Variants in EPB41 observed in about 807,000 individuals in gnomAD.
The protein encoded by EPB41 is erythrocyte membrane protein band 4.1, also known as protein 4.1.
Under a neutral mutation model 108.0 loss-of-function variants are expected in EPB41, and 65 were observed. The ratio of observed to expected loss-of-function variants is 0.60; its 90% confidence interval spans 0.49 to 0.74. EPB41 has a LOEUF of 0.74. EPB41 is among the 30% of genes least tolerant of loss of function. EPB41 has a pLI of 0.00. For missense variants in EPB41, 875 were observed against 1,037.0 expected (o/e 0.84, Z 2.15); for synonymous variants, 336 against 358.9 (o/e 0.94, Z 0.72).
intron 1 of EPB41, among the ~76,000 whole-genome samples, chr1:28,924,483 C>T (rs902851438): frequency 5.9e-5 from 9 of 151,888 alleles, no homozygotes; most frequent in Admixed American, 3.3e-4. Context: ...GAGCTGAGAT[C>T]GTGCCACTGC....
At chr1:28,937,904 C>T (rs907340105) in intron 1 of EPB41, among the ~76,000 whole-genome samples, 7 of 152,184 alleles carry the variant, frequency 4.6e-5, no homozygotes, top group Admixed American at 1.3e-4. Flanking sequence ...TCTGGATTCA[C>T]TCACTTGCAG....
chr1:29,004,303 A>G (rs756401110), intron 4 of EPB41, among the ~76,000 whole-genome samples: 2 of 152,176 alleles, frequency 1.3e-5, no homozygotes, highest in Non-Finnish European at 2.9e-5. Flanking sequence ...ACTACATGCA[A>G]TTCAATGGTA....
chr1:28,907,175 G>A (rs1216873466), intron 1 of EPB41, among the ~76,000 whole-genome samples: 1 of 151,386 alleles, frequency 6.6e-6, no homozygotes, highest in Non-Finnish European at 1.5e-5. Context: ...AGCGATTCTT[G>A]TTACTCAGCC....
chr1:29,074,856 A>T (rs764813009), intron 16 of EPB41, among the ~76,000 whole-genome samples: 24 of 152,210 alleles, frequency 1.6e-4, no homozygotes, highest in Non-Finnish European at 2.4e-4. Context: ...ACACTTTAGG[A>T]ATTTTAAAAA....
intron 1 of EPB41, among the ~76,000 whole-genome samples, chr1:28,943,488 A>G (rs1217079980): frequency 6.6e-6 from 1 of 152,104 alleles, no homozygotes. Context: ...CCCTGTCTCT[A>G]CTAAAAAATT....
chr1:29,094,197 A>G (rs1274450202), intron 16 of EPB41, among the ~76,000 whole-genome samples: 1 of 151,988 alleles, frequency 6.6e-6, no homozygotes, highest in African/African-American at 2.4e-5. Context: ...TAGGTTCTCT[A>G]TTCTGTTTCA....
chr1:29,013,527 GTTTA>G (rs1363128123), intron 5 of EPB41, among the ~76,000 whole-genome samples: 3 of 152,094 alleles, frequency 2.0e-5, no homozygotes, highest in African/African-American at 7.2e-5. Flanking sequence ...GTTTTTGTTT[GTTTA>G]TTTGTTTGTT....
At chr1:29,022,742 G>T (rs1006661724) in intron 7 of EPB41, among the ~76,000 whole-genome samples, 5 of 151,776 alleles carry the variant, frequency 3.3e-5, no homozygotes, top group African/African-American at 1.2e-4. Flanking sequence ...AAAAAAGAGT[G>T]TTTTAAATTC....
intron 3 of EPB41, among the ~76,000 whole-genome samples, chr1:28,996,140 T>C (rs781707214): frequency 6.6e-6 from 1 of 152,226 alleles, no homozygotes; most frequent in Non-Finnish European, 1.5e-5. Context: ...AGCAAACTAA[T>C]GTTCAGAAAA....
At chr1:28,940,157 C>A (rs1571019837) in intron 1 of EPB41, among the ~76,000 whole-genome samples, 1 of 152,120 alleles carries the variant, frequency 6.6e-6, no homozygotes, top group African/African-American at 2.4e-5. Flanking sequence ...TACCAGAGCT[C>A]TTAAACAAAT....
chr1:29,017,675 A>G (rs1268565010), intron 6 of EPB41, among the ~76,000 whole-genome samples: 1 of 152,210 alleles, frequency 6.6e-6, no homozygotes, highest in Non-Finnish European at 1.5e-5. Context: ...ATCTTTGTAT[A>G]TGAAGGACTA....
chr1:29,098,588 A>G (rs1388796608), intron 17 of EPB41, among the ~76,000 whole-genome samples: 1 of 152,142 alleles, frequency 6.6e-6, no homozygotes, highest in Non-Finnish European at 1.5e-5. Flanking sequence ...GGTTGAGAAC[A>G]TGGGCTTTGG....
chr1:29,060,801 C>T (rs1646386171), intron 15 of EPB41, among the ~76,000 whole-genome samples: 1 of 152,078 alleles, frequency 6.6e-6, no homozygotes, highest in Non-Finnish European at 1.5e-5. Flanking sequence ...TTTAATTTTC[C>T]AAGAGTATAA....
In EPB41 at chr1:29,034,479, TGTCA is replaced by T. The variant is rs1638620149; in HGVS notation, c.1365+1238_1365+1241del. On this transcript the variant is annotated intron_variant, in intron 9 of 20. Coordinates refer to ENST00000343067, the MANE Select transcript of EPB41 (RefSeq NM_001376013.1). ...AAATCTGGTTCTGTCATTTCATAGC[TGTCA>T]GTCTGAGCAAATAACTTCTCTGACC... 2.0e-5 allele frequency among the ~76,000 whole-genome samples: 3 copies of T among 152,324 alleles called. No homozygotes were observed. In the South Asian group the frequency reaches 6.2e-4, roughly 32 times the overall value.
chr1:29,083,217 A>T (rs1348827392), intron 16 of EPB41, among the ~76,000 whole-genome samples: 1 of 152,152 alleles, frequency 6.6e-6, no homozygotes, highest in African/African-American at 2.4e-5. Context: ...AAGAGAGAAA[A>T]ATTAGAATGA....
intron 1 of EPB41, chr1:28,902,367 A>G: frequency 1.0e-6 from 1 of 985,328 alleles, no homozygotes; most frequent in Non-Finnish European, 1.2e-6. Flanking sequence ...TTGGGTCCGC[A>G]ATGGTTATTA....
intron 17 of EPB41, among the ~76,000 whole-genome samples, chr1:29,103,399 T>G (rs1666106868): frequency 6.6e-6 from 1 of 152,232 alleles, no homozygotes; most frequent in Non-Finnish European, 1.5e-5. Flanking sequence ...CCGTGGGCTT[T>G]GGAATTAGAG....
chr1:28,927,415 T>C lies in EPB41; in HGVS notation c.-8+12647T>C, dbSNP rs191391149. On this transcript the variant is annotated intron_variant, in intron 1 of 20. Transcript: ENST00000343067. ...GAAGCATGGAGTTTTTTGTTGTTCG[T>C]GTTGGGTATCTGTTCTAATATCATT... Among the ~76,000 whole-genome samples, 64 of 152,298 alleles carry C rather than the reference T, an allele frequency of 4.2e-4. 2 individuals carry two copies. In the East Asian group the frequency reaches 0.01, roughly 25 times the overall value.
At chr1:29,056,399 T>G (rs551439116) in intron 12 of EPB41, among the ~76,000 whole-genome samples, 1 of 152,334 alleles carries the variant, frequency 6.6e-6, no homozygotes, top group African/African-American at 2.4e-5. Flanking sequence ...CAGATAGAGA[T>G]AGCTTTTTGT....
Sources: allele counts gnomAD v4.1 joint callset (sites outside exome capture counted in the v4.1 genomes callset), GRCh38; gene constraint gnomAD v4.1.1; transcripts MANE v1.5; gene names NCBI Gene and HGNC (gene_info 2026-07-23, HGNC 2026-07-21).